CDH13: variants seen among roughly 807,000 people sequenced by gnomAD.
CDH13 encodes cadherin 13.
A neutral mutation model predicts 63.8 loss-of-function variants in CDH13; 24 were observed. The observed-to-expected ratio is 0.38, with a 90% CI of 0.27 to 0.53. The LOEUF is 0.53. CDH13 is among the 20% of genes least tolerant of loss of function. The probability of loss-of-function intolerance (pLI) is 0.85; values close to 1 mark genes in which losing one functional copy is unlikely to be tolerated. For synonymous variants in CDH13, 503 were observed against 355.3 expected, an observed-to-expected ratio of 1.42 and a Z score of -4.67; for missense variants, 1,049 against 903.1, an observed-to-expected ratio of 1.16 and a Z score of -2.07.
chr16:83,508,329 T>C (rs2074472255), intron 7 of CDH13: 1 of 154,592 alleles, frequency 6.5e-6, no homozygotes, highest in African/African-American at 2.4e-5. Context: ...TAGAGAGAAG[T>C]TTTGCGTTGC....
chr16:82,962,463 C>A (rs1320559434), intron 2 of CDH13, among the ~76,000 whole-genome samples: 1 of 152,114 alleles, frequency 6.6e-6, no homozygotes, highest in African/African-American at 2.4e-5. Flanking sequence ...GGTATGGCAG[C>A]AATAGGAAAC....
intron 5 of CDH13, among the ~76,000 whole-genome samples, chr16:83,326,952 G>C (rs1425675737): frequency 6.6e-6 from 1 of 152,168 alleles, no homozygotes; most frequent in Non-Finnish European, 1.5e-5. Flanking sequence ...CTAACAGAAT[G>C]CATCTCATCC....
chr16:82,970,879 T>C (rs1294517389), intron 2 of CDH13, among the ~76,000 whole-genome samples: 1 of 152,200 alleles, frequency 6.6e-6, no homozygotes, highest in Non-Finnish European at 1.5e-5. Context: ...AGAGCACTTT[T>C]TTACCTTCCA....
At chr16:83,163,361 G>A (rs901847228) in intron 4 of CDH13, among the ~76,000 whole-genome samples, 5 of 152,034 alleles carry the variant, frequency 3.3e-5, no homozygotes, top group African/African-American at 1.2e-4. Context: ...TCTTCCACTG[G>A]GATGTCCATC....
intron 13 of CDH13, among the ~76,000 whole-genome samples, chr16:83,788,269 T>C (rs1409113611): frequency 2.0e-5 from 3 of 152,184 alleles, no homozygotes; most frequent in Non-Finnish European, 4.4e-5. Flanking sequence ...GTGTTTTAAA[T>C]GGAGACCAGA....
rs367543331 is a variant in CDH13 at position 83,379,934 on chromosome 16, T to TAGAGAG, written c.781+34929_781+34930insGAGAGA. Among the ~76,000 whole-genome samples, 194 of 86,688 alleles carry TAGAGAG rather than the reference T, an allele frequency of 2.2e-3. 1 individual carries two copies. Among genetic ancestry groups the TAGAGAG allele is most frequent in the Middle Eastern group, 0.018 (3 of 164 alleles). The allele number at this position is 86,688 out of a possible 152,430, so 56.9% of individuals were successfully genotyped here. A position where few individuals can be genotyped will look rare whatever the true frequency, so the allele number is the denominator to read the frequency against. On this transcript the variant is annotated intron_variant, in intron 6 of 13. Coordinates refer to ENST00000567109, the MANE Select transcript of CDH13 (RefSeq NM_001257.5). ...ATGTGTGTGTGTATATATATATATA[T>TAGAGAG]ATATAGAGAGAGAGAGAGAGAGAGA...
chr16:83,485,150 C>A (rs1248014488), intron 6 of CDH13, among the ~76,000 whole-genome samples: 1 of 152,198 alleles, frequency 6.6e-6, no homozygotes, highest in Non-Finnish European at 1.5e-5. Flanking sequence ...TTTGGCAATT[C>A]CCCTGTTGAT....
intron 6 of CDH13, among the ~76,000 whole-genome samples, chr16:83,408,538 G>T (rs957588087): frequency 2.6e-5 from 4 of 152,056 alleles, no homozygotes; most frequent in Admixed American, 6.5e-5. Flanking sequence ...ACATAGAAAA[G>T]ATACCATAAA....
At chr16:82,705,614 G>A (rs1298758724) in intron 1 of CDH13, among the ~76,000 whole-genome samples, 3 of 151,922 alleles carry the variant, frequency 2.0e-5, no homozygotes, top group African/African-American at 7.2e-5. Context: ...TATTTTTTTG[G>A]TAGGGACACA....
chr16:83,055,558 C>CA (rs145651005), intron 3 of CDH13, among the ~76,000 whole-genome samples: 6,405 of 148,886 alleles, frequency 0.043, 437 homozygotes, highest in African/African-American at 0.15. Flanking sequence ...CAAAGCATAC[C>CA]AAAAAAAAAG....
chr16:83,705,938 C>T lies in CDH13; in HGVS notation c.1538+27477C>T, dbSNP rs1906973941. Among the ~76,000 whole-genome samples the T allele has an allele frequency of 2.6e-5, 4 of 152,130 alleles. No homozygotes were observed. In the South Asian group the frequency reaches 8.3e-4, roughly 32 times the overall value. On this transcript the variant is annotated intron_variant, in intron 10 of 13. Coordinates refer to ENST00000567109, the MANE Select transcript of CDH13 (RefSeq NM_001257.5). ...GATAAGTCTGCCCTAGGGCTGGTTG[C>T]CTCTTTCAGCCCCCATTCATGCATA...
intron 7 of CDH13, among the ~76,000 whole-genome samples, chr16:83,525,996 G>C (rs1026803798): frequency 3.3e-5 from 5 of 152,180 alleles, no homozygotes; most frequent in Admixed American, 2.0e-4. Context: ...CCAGTAGCTA[G>C]ATGTTAGCCC....
chr16:82,949,941 T>G (rs998638085), intron 2 of CDH13, among the ~76,000 whole-genome samples: 1 of 152,134 alleles, frequency 6.6e-6, no homozygotes, highest in African/African-American at 2.4e-5. Context: ...TTACTTGGGG[T>G]ATGTGTTAGA....
At chr16:83,355,607 A>G (rs999853407) in intron 6 of CDH13, among the ~76,000 whole-genome samples, 1 of 152,206 alleles carries the variant, frequency 6.6e-6, no homozygotes, top group Non-Finnish European at 1.5e-5. Context: ...TTGAAAATGT[A>G]TTCATTCTTT....
Position 82,746,188 on chromosome 16 carries a change from TGTGTGTGTTTATATATAAACACA to T in CDH13, c.46-112173_46-112151del, listed in dbSNP as rs879590439. ...CATACTATATATTATATGCATGGTG[TGTGTGTGTTTATATATAAACACA>T]CTGTTTATATATATGTGTTTATATA... is the stretch of plus-strand genomic sequence containing the variant. On this transcript the variant is annotated intron_variant, in intron 1 of 13. Coordinates refer to ENST00000567109, the MANE Select transcript of CDH13 (RefSeq NM_001257.5). Among the ~76,000 whole-genome samples the T allele has an allele frequency of 1.7e-3, 265 of 151,462 alleles. 3 individuals carry two copies. The highest frequency in any genetic ancestry group is 5.9e-3 in the South Asian group (28 of 4,786).
chr16:83,597,708 A>C (rs762534482), intron 7 of CDH13, among the ~76,000 whole-genome samples: 2 of 152,260 alleles, frequency 1.3e-5, no homozygotes, highest in African/African-American at 4.8e-5. Context: ...GTTTATCTAC[A>C]TAACAGTCTA....
At chr16:83,481,435 C>G (rs868421708) in intron 6 of CDH13, among the ~76,000 whole-genome samples, 6 of 152,228 alleles carry the variant, frequency 3.9e-5, no homozygotes, top group Non-Finnish European at 7.3e-5. Flanking sequence ...CAGATCTGCG[C>G]TCTCCTTTCT....
chr16:83,621,385 G>A (rs2150778122), intron 8 of CDH13, among the ~76,000 whole-genome samples: 1 of 149,808 alleles, frequency 6.7e-6, no homozygotes, highest in Admixed American at 6.7e-5. Context: ...GTTTGCTGAA[G>A]CAGCCCAGGT....
At chr16:83,498,303 A>T (rs976759536) in intron 7 of CDH13, among the ~76,000 whole-genome samples, 2 of 152,180 alleles carry the variant, frequency 1.3e-5, no homozygotes, top group African/African-American at 4.8e-5. Context: ...GAATCAGAGG[A>T]CCTGGGCTCA....
Sources: gnomAD v4.1 joint callset for allele counts (sites outside exome capture counted in the v4.1 genomes callset) on GRCh38, gnomAD v4.1.1 for gene constraint, MANE v1.5 for transcripts, NCBI Gene and HGNC (gene_info 2026-07-23, HGNC 2026-07-21) for gene names.